Variants in SPIDR observed in about 807,000 individuals in gnomAD.
SPIDR encodes the protein DNA repair-scaffolding protein.
A neutral mutation model predicts 104.6 loss-of-function variants in SPIDR; 93 were observed. The observed-to-expected ratio is 0.89, with a 90% CI of 0.75 to 1.06. The LOEUF is 1.06. SPIDR is among the 50% of genes least tolerant of loss of function. The probability of loss-of-function intolerance (pLI) is 0.00; values close to 1 mark genes in which losing one functional copy is unlikely to be tolerated. For missense variants in SPIDR, 1,154 were observed against 1,111.2 expected (o/e 1.04, Z -0.55); for synonymous variants, 431 against 416.9 (o/e 1.03, Z -0.41).
intron 10 of SPIDR, among the ~76,000 whole-genome samples, chr8:47,639,801 A>C (rs1026864806): frequency 2.0e-5 from 3 of 152,058 alleles, no homozygotes; most frequent in Non-Finnish European, 4.4e-5. Flanking sequence ...TACAAAAATT[A>C]GCCGGGCTTG....
chr8:47,505,594 A>T (rs999785829), intron 8 of SPIDR, among the ~76,000 whole-genome samples: 28 of 152,336 alleles, frequency 1.8e-4, no homozygotes, highest in East Asian at 1.4e-3. Flanking sequence ...CGGGTGAGGC[A>T]GTGCCTCGCC....
At chr8:47,652,988 CTCTAA>C (rs936713266) in intron 10 of SPIDR, among the ~76,000 whole-genome samples, 8 of 152,300 alleles carry the variant, frequency 5.3e-5, no homozygotes, top group Admixed American at 2.6e-4. Flanking sequence ...GTTCATTAGA[CTCTAA>C]TCTAGTCCCA....
intron 8 of SPIDR, among the ~76,000 whole-genome samples, chr8:47,535,351 A>G (rs776271368): frequency 4.6e-5 from 7 of 152,214 alleles, no homozygotes; most frequent in South Asian, 2.1e-4. Context: ...CCTTTTCACC[A>G]CTCACAGATT....
At chr8:47,500,649 G>A (rs964687342) in intron 8 of SPIDR, among the ~76,000 whole-genome samples, 5 of 151,984 alleles carry the variant, frequency 3.3e-5, no homozygotes, top group Non-Finnish European at 2.9e-5. Flanking sequence ...TAGTTTAATT[G>A]AATCCCATTT....
rs142290153 is a variant in SPIDR at position 47,583,060 on chromosome 8, A to G, written c.1098-12751A>G. Among the ~76,000 whole-genome samples the G allele has an allele frequency of 2.0e-5, 3 of 152,006 alleles. No individual in the cohort carries two copies. The East Asian group carries it at 5.8e-4, about 29-fold the overall frequency. On this transcript the variant is annotated intron_variant, in intron 8 of 19. Coordinates refer to ENST00000297423, the MANE Select transcript of SPIDR (RefSeq NM_001080394.4). ...CACTATGGCCACCAACTTCTCAAGT[A>G]TGCTCTGAGAATTTACTGGAAAGTA...
intron 5 of SPIDR, among the ~76,000 whole-genome samples, chr8:47,310,004 A>G (rs1188524987): frequency 6.7e-6 from 1 of 148,252 alleles, no homozygotes; most frequent in Non-Finnish European, 1.5e-5. Context: ...GCACCACTGC[A>G]CTCCAGCCTG....
intron 5 of SPIDR, among the ~76,000 whole-genome samples, chr8:47,343,316 T>C (rs2051146128): frequency 6.6e-6 from 1 of 152,180 alleles, no homozygotes; most frequent in Admixed American, 6.5e-5. Context: ...GAGTCTCTTC[T>C]TTAGGTTAAT....
chr8:47,274,677 A>G (rs1405767679), intron 1 of SPIDR, among the ~76,000 whole-genome samples: 1 of 151,218 alleles, frequency 6.6e-6, no homozygotes, highest in Non-Finnish European at 1.5e-5. Flanking sequence ...TCCTGGGTTC[A>G]AGCAATTTTC....
chr8:47,699,892 T>A lies in SPIDR; in HGVS notation c.1686-511T>A, dbSNP rs555665926. 6.6e-5 allele frequency among the ~76,000 whole-genome samples: 10 copies of A among 152,326 alleles called. No homozygotes were observed. In the South Asian group the frequency reaches 1.9e-3, roughly 28 times the overall value. On this transcript the variant is annotated intron_variant, in intron 11 of 19. Transcript: ENST00000297423. ...CTTACATAAGTAATACATATCTGTTTGGGGAAAATATACAAAATACCCAAT... is the reference window on the plus strand; with the variant it reads ...CTTACATAAGTAATACATATCTGTTAGGGGAAAATATACAAAATACCCAAT...
chr8:47,499,322 C>T (rs769625290), intron 8 of SPIDR, among the ~76,000 whole-genome samples: 27 of 152,154 alleles, frequency 1.8e-4, no homozygotes, highest in Non-Finnish European at 3.7e-4. Flanking sequence ...ATCCAAATGA[C>T]GGATGTATGT....
intron 10 of SPIDR, among the ~76,000 whole-genome samples, chr8:47,626,987 C>T (rs2066244178): frequency 6.6e-6 from 1 of 152,164 alleles, no homozygotes; most frequent in African/African-American, 2.4e-5. Flanking sequence ...AGGAACCAAC[C>T]CATATGTCCA....
intron 5 of SPIDR, among the ~76,000 whole-genome samples, chr8:47,341,157 A>T (rs1420403028): frequency 6.6e-6 from 1 of 152,216 alleles, no homozygotes; most frequent in Non-Finnish European, 1.5e-5. Context: ...CAGGTAGTTA[A>T]TGTCAGAATT....
chr8:47,381,759 G>A (rs1267014314), intron 5 of SPIDR, among the ~76,000 whole-genome samples: 5 of 152,212 alleles, frequency 3.3e-5, no homozygotes, highest in Non-Finnish European at 7.3e-5. Context: ...GGCACCAGGC[G>A]CACAAGGTGT....
chr8:47,267,236 T>G (rs2034279789), intron 1 of SPIDR, among the ~76,000 whole-genome samples: 1 of 152,110 alleles, frequency 6.6e-6, no homozygotes, highest in South Asian at 2.1e-4. Flanking sequence ...CCCAGGCTGG[T>G]CTCAAACTCC....
chr8:47,644,818 A>G (rs1018276762), intron 10 of SPIDR, among the ~76,000 whole-genome samples: 2 of 152,214 alleles, frequency 1.3e-5, no homozygotes, highest in Admixed American at 6.5e-5. Flanking sequence ...ATGAGCAGTG[A>G]GGGGAAGCTG....
intron 10 of SPIDR, among the ~76,000 whole-genome samples, chr8:47,623,566 G>T (rs1041766612): frequency 6.6e-6 from 1 of 152,006 alleles, no homozygotes; most frequent in Non-Finnish European, 1.5e-5. Context: ...ATGGAAAACA[G>T]AAAAAGGCAG....
At chr8:47,429,466 A>G (rs573373851) in intron 7 of SPIDR, among the ~76,000 whole-genome samples, 4 of 152,320 alleles carry the variant, frequency 2.6e-5, no homozygotes, top group African/African-American at 9.6e-5. Flanking sequence ...TTATCTCTTA[A>G]TGGTTTGTTT....
intron 8 of SPIDR, among the ~76,000 whole-genome samples, chr8:47,594,345 C>T (rs890254191): frequency 1.3e-5 from 2 of 151,286 alleles, no homozygotes; most frequent in Non-Finnish European, 2.9e-5. Context: ...CCCAGCTGGG[C>T]GACAGAGTAA....
chr8:47,635,798 G>A (rs2067826712), intron 10 of SPIDR, among the ~76,000 whole-genome samples: 1 of 152,176 alleles, frequency 6.6e-6, no homozygotes, highest in Non-Finnish European at 1.5e-5. Flanking sequence ...TCTGACCTCT[G>A]GGAGGAAGGA....
Sources: gnomAD v4.1 joint callset for allele counts (sites outside exome capture counted in the v4.1 genomes callset) on GRCh38, gnomAD v4.1.1 for gene constraint, MANE v1.5 for transcripts, NCBI Gene and HGNC (gene_info 2026-07-23, HGNC 2026-07-21) for gene names.